Variants in KIAA0586 observed in about 807,000 individuals in gnomAD.
KIAA0586 encodes the protein protein TALPID3.
Under a neutral mutation model 169.8 loss-of-function variants are expected in KIAA0586, and 144 were observed. That is an observed-to-expected ratio of 0.85 (90% CI 0.74 to 0.97). The LOEUF (loss-of-function observed/expected upper bound fraction) is 0.97. Ranked by LOEUF, KIAA0586 falls within the 50% of genes least tolerant of loss-of-function variation. KIAA0586 has a pLI of 0.00. For synonymous variants in KIAA0586, 625 were observed against 612.4 expected, an observed-to-expected ratio of 1.02 and a Z score of -0.30; for missense variants, 1,854 against 1,823.0, an observed-to-expected ratio of 1.02 and a Z score of -0.31.
intron 29 of KIAA0586, chr14:58,521,445 T>A: frequency 6.5e-6 from 5 of 769,628 alleles, no homozygotes; most frequent in Non-Finnish European, 1.2e-5. Context: ...ACAGCTCCTC[T>A]TTTGACTTGG....
At chr14:58,484,619 A>G (rs945626200) in intron 21 of KIAA0586, among the ~76,000 whole-genome samples, 1 of 151,484 alleles carries the variant, frequency 6.6e-6, no homozygotes, top group African/African-American at 2.4e-5. Context: ...AGTTATATAT[A>G]TAAAATATAG....
intron 30 of KIAA0586, among the ~76,000 whole-genome samples, chr14:58,544,291 C>A (rs1393080905): frequency 1.3e-5 from 2 of 152,140 alleles, no homozygotes; most frequent in Non-Finnish European, 1.5e-5. Flanking sequence ...TAGGTTGATT[C>A]CATACCCTTC....
chr14:58,524,548 C>G (rs922304287), intron 29 of KIAA0586, among the ~76,000 whole-genome samples: 4 of 152,140 alleles, frequency 2.6e-5, no homozygotes, highest in African/African-American at 9.7e-5. Flanking sequence ...TGATTAAGGA[C>G]TCCAGTTGTT....
At chr14:58,532,587 A>T (rs1291351199) in intron 29 of KIAA0586, among the ~76,000 whole-genome samples, 1 of 152,226 alleles carries the variant, frequency 6.6e-6, no homozygotes, top group African/African-American at 2.4e-5. Context: ...AGAGCAAAAT[A>T]AAACAGGATC....
Position 58,447,529 on chromosome 14 carries a change from G to A in KIAA0586, c.808-811G>A, listed in dbSNP as rs186793617. ...AGAGTCCTGCTCTGTCACCCAGGCT[G>A]GAGTGTAGTGGCACCATTTCGGCTC... On this transcript the variant is annotated intron_variant, in intron 6 of 30. Transcript: ENST00000652326. Among the ~76,000 whole-genome samples, 142 of 151,320 alleles carry A rather than the reference G, an allele frequency of 9.4e-4. 1 individual carries two copies. Among genetic ancestry groups the A allele is most frequent in the Admixed American group, 3.8e-3 (57 of 15,180 alleles).
the KIAA0586 span, among the ~76,000 whole-genome samples, chr14:58,558,196 C>T: frequency 6.6e-6 from 1 of 152,066 alleles, no homozygotes; most frequent in Non-Finnish European, 1.5e-5. Flanking sequence ...CAGTGGCAAG[C>T]CACGGCACCA....
At chr14:58,437,704 C>CAAAAAAA (rs71107947) in intron 4 of KIAA0586, among the ~76,000 whole-genome samples, 1 of 61,602 alleles carries the variant, frequency 1.6e-5, no homozygotes, top group Non-Finnish European at 2.8e-5. Flanking sequence ...GATCCTGTCT[C>CAAAAAAA]AAAAAAAAAA....
At chr14:58,547,047 A>G (rs1053416869) in intron 30 of KIAA0586, among the ~76,000 whole-genome samples, 2 of 152,112 alleles carry the variant, frequency 1.3e-5, no homozygotes, top group African/African-American at 4.8e-5. Flanking sequence ...TATTAATGAC[A>G]TGCTCTTGAG....
chr14:58,473,940 C>T lies in KIAA0586; in HGVS notation c.2635-667C>T, dbSNP rs143985715. Among the ~76,000 whole-genome samples, 110 of 151,946 alleles carry T rather than the reference C, an allele frequency of 7.2e-4. 1 individual carries two copies. Among genetic ancestry groups the T allele is most frequent in the Middle Eastern group, 6.8e-3 (2 of 294 alleles). On this transcript the variant is annotated intron_variant, in intron 18 of 30. Coordinates refer to ENST00000652326, the MANE Select transcript of KIAA0586 (RefSeq NM_001329943.3). Reference sequence around the variant, plus strand: ...AAAAAAAGTAAAGAGATTTAATTGGCTCGTGGCTCTGCAGGCTGTACAAGA... The same window carrying T: ...AAAAAAAGTAAAGAGATTTAATTGGTTCGTGGCTCTGCAGGCTGTACAAGA...
chr14:58,453,598 A>G (rs1009429025), intron 9 of KIAA0586, 125 bp downstream of exon 9: 2 of 616,760 alleles, frequency 3.2e-6, no homozygotes, highest in Non-Finnish European at 5.3e-6. Context: ...TTTAGTTACT[A>G]TTTTTTGATG....
chr14:58,457,848 G>C lies in KIAA0586; in HGVS notation c.1452G>C (p.Leu484Phe), dbSNP rs1365601430. 2 of 1,608,454 alleles carry C rather than the reference G, an allele frequency of 1.2e-6. No individual in the cohort carries two copies. The highest frequency in any genetic ancestry group is 1.7e-6 in the Non-Finnish European group (2 of 1,177,102). ...CAACCAATACAACAAGATCTGTATTGAAAGATGCTGAGAAGATTTTGAGAG... is the reference window on the plus strand; with the variant it reads ...CAACCAATACAACAAGATCTGTATTCAAAGATGCTGAGAAGATTTTGAGAG... ...LQTTNTTRSV[L>F]KDAEKILRGV... Residue 484 changes from leucine to phenylalanine, a missense_variant, in exon 11 of 31, where the codon TTG (leucine) becomes TTC (phenylalanine). By Grantham distance (22) the Leu-to-Phe change is conservative. Coordinates refer to ENST00000652326, the MANE Select transcript of KIAA0586 (RefSeq NM_001329943.3).
At position 58,474,626 on chromosome 14, in the gene KIAA0586, A is replaced by C; in HGVS notation, c.2654A>C (p.Glu885Ala). 6.3e-7 allele frequency: 1 copy of C among 1,582,526 alleles called. No individual in the cohort carries two copies. The highest frequency in any genetic ancestry group is 1.2e-5 in the South Asian group (1 of 85,352). The stretch of plus-strand genomic sequence containing the variant: ...TACCAGGAAGAAGAAAAATGTGATG[A>C]AATTCCAGACTCTGAACCAATTCTG... ...DVIQEEEKCD[E>A]IPDSEPILEF... The change falls in exon 19 of 31, where the codon GAA (glutamate) becomes GCA (alanine). Residue 885 changes from glutamate (E) to alanine (A), a missense_variant. Physicochemically the swap from Glu to Ala is moderately radical, Grantham distance 107. Transcript: ENST00000652326.
At chr14:58,507,105 G>A (rs2044013239) in intron 27 of KIAA0586, among the ~76,000 whole-genome samples, 1 of 149,462 alleles carries the variant, frequency 6.7e-6, no homozygotes. Flanking sequence ...CCATGATCAT[G>A]CCATTGCACT....
Position 58,535,620 on chromosome 14 carries a change from A to G in KIAA0586, c.4430-4451A>G, listed in dbSNP as rs200223253. 6.6e-5 allele frequency among the ~76,000 whole-genome samples: 10 copies of G among 152,170 alleles called. No individual in the cohort carries two copies. The East Asian group carries it at 1.9e-3, about 29-fold the overall frequency. On this transcript the variant is annotated intron_variant, in intron 29 of 30. Coordinates refer to ENST00000652326, the MANE Select transcript of KIAA0586 (RefSeq NM_001329943.3). ...CCTACTAGAGCCAATGAGTAACTTA[A>G]TTTGGAGGATCTGGCCAGGTTATTT...
chr14:58,427,911 T>TCTCAACAAATTTTA lies in KIAA0586; in HGVS notation c.-353_-340dup. On this transcript the variant is annotated 5_prime_UTR_variant, in exon 1 of 31. The change abolishes the stop of an existing upstream ORF in the 5' untranslated region. Transcript: ENST00000652326. Reference sequence around the variant, plus strand: ...CGCTTTTATTTGCTTGACTGCCTCTTCTCAACAAATTTTAAGCCCGCCACT... The same window carrying TCTCAACAAATTTTA: ...CGCTTTTATTTGCTTGACTGCCTCTTCTCAACAAATTTTACTCAACAAATTTTAAGCCCGCCACT... 1 of 1,369,554 alleles carries TCTCAACAAATTTTA rather than the reference T, an allele frequency of 7.3e-7. No homozygotes were observed. The highest frequency in any genetic ancestry group is 2.6e-5 in the East Asian group (1 of 38,694). The allele number at this position is 1,369,554 out of a possible 1,614,324, so 84.8% of individuals were successfully genotyped here.
rs1160611921 is a variant in KIAA0586 at position 58,547,906 on chromosome 14, G to C, written c.4621G>C (p.Glu1541Gln). Reference protein sequence around the residue: ...LSLSTMQEDMESSGADTF With the variant: ...LSLSTMQEDMQSSGADTF ...TCTCAGCACAATGCAGGAGGACATGGAGTCTTCGGGGGCAGATACCTTCTG... is the reference window on the plus strand; with the variant it reads ...TCTCAGCACAATGCAGGAGGACATGCAGTCTTCGGGGGCAGATACCTTCTG... Residue 1541 changes from glutamate (E) to glutamine (Q), a missense_variant, in exon 31 of 31, where the codon GAG becomes CAG. Transcript: ENST00000652326. The C allele has an allele frequency of 6.2e-7, 1 of 1,613,706 alleles. No homozygotes were observed. The highest frequency in any genetic ancestry group is 2.2e-5 in the East Asian group (1 of 44,872).
chr14:58,516,386 A>C (rs959725326), intron 29 of KIAA0586, among the ~76,000 whole-genome samples: 1 of 152,124 alleles, frequency 6.6e-6, no homozygotes, highest in Non-Finnish European at 1.5e-5. Flanking sequence ...GTGAAAACCT[A>C]TTTGGCTGGG....
chr14:58,519,823 A>C (rs557552046), intron 29 of KIAA0586, among the ~76,000 whole-genome samples: 1 of 152,348 alleles, frequency 6.6e-6, no homozygotes, highest in African/African-American at 2.4e-5. Context: ...ATTAACCCCA[A>C]ACAACATTTA....
chr14:58,560,315 T>C, the KIAA0586 span, among the ~76,000 whole-genome samples: 1 of 152,224 alleles, frequency 6.6e-6, no homozygotes, highest in African/African-American at 2.4e-5. Flanking sequence ...TGAATGCATA[T>C]GCACAGCTGA....
Sources: allele counts gnomAD v4.1 joint callset (sites outside exome capture counted in the v4.1 genomes callset), GRCh38; gene constraint gnomAD v4.1.1; transcripts MANE v1.5; gene names NCBI Gene and HGNC (gene_info 2026-07-23, HGNC 2026-07-21).